CHN2: variants seen among roughly 807,000 people sequenced by gnomAD.
The protein encoded by CHN2 is chimerin 2, also known as beta-chimaerin.
CHN2 carries 35 observed loss-of-function variants against 56.3 expected under a neutral mutation model. The observed-to-expected ratio is 0.62, with a 90% CI of 0.47 to 0.82. The LOEUF (loss-of-function observed/expected upper bound fraction) is 0.82, where lower values mean the gene tolerates loss of function less well. Ranked by LOEUF, CHN2 falls within the 40% of genes least tolerant of loss-of-function variation. The probability of loss-of-function intolerance (pLI) is 0.00; values close to 1 mark genes in which losing one functional copy is unlikely to be tolerated. For synonymous variants in CHN2, 210 were observed against 212.8 expected, an observed-to-expected ratio of 0.99 and a Z score of 0.12; for missense variants, 491 against 580.5, an observed-to-expected ratio of 0.85 and a Z score of 1.58.
At chr7:29,160,327 G>A (rs1463455000) in intron 2 of CHN2, among the ~76,000 whole-genome samples, 1 of 152,172 alleles carries the variant, frequency 6.6e-6, no homozygotes, top group Non-Finnish European at 1.5e-5. Context: ...ATTCCCTGAT[G>A]TTCTCCCATC....
In CHN2 at chr7:29,259,243, AC is replaced by A. The variant is rs532323336; in HGVS notation, c.49+64254del. On this transcript the variant is annotated intron_variant, in intron 1 of 12. Coordinates refer to ENST00000222792, the MANE Select transcript of CHN2 (RefSeq NM_004067.4). ...CTCAGGAGGCTGAGGTGGGAGAATT[AC>A]TTGAGCCTGAAGTTCAAGGCTGTAG... 3.3e-4 allele frequency among the ~76,000 whole-genome samples: 50 copies of A among 152,022 alleles called. No individual in the cohort carries two copies. In the South Asian group the frequency reaches 7.9e-3, roughly 24 times the overall value.
At chr7:29,291,770 G>C (rs187369169) in intron 1 of CHN2, among the ~76,000 whole-genome samples, 7 of 152,116 alleles carry the variant, frequency 4.6e-5, no homozygotes, top group Admixed American at 1.3e-4. Context: ...AAGTTGAATT[G>C]TTTGATCAAA....
chr7:29,414,407 C>T (rs570767615), intron 6 of CHN2, among the ~76,000 whole-genome samples: 2 of 152,288 alleles, frequency 1.3e-5, no homozygotes, highest in East Asian at 3.9e-4. Context: ...GGGGTATTGA[C>T]CACATACCAC....
rs1357867905 is a variant in CHN2 at position 29,480,074 on chromosome 7, T to A, written c.577-205T>A. 5.2e-6 allele frequency: 8 copies of A among 1,550,010 alleles called. No homozygotes were observed. In the East Asian group the frequency reaches 2.0e-4, roughly 38 times the overall value. On this transcript the variant is annotated intron_variant, in intron 6 of 12. Coordinates refer to ENST00000222792, the MANE Select transcript of CHN2 (RefSeq NM_004067.4). ...TGACAGCACAGGGCTTCCTGGGCTC[T>A]GCAGAGCAAACTGGAAAGAGCTGGG...
chr7:29,348,368 C>T (rs892622585), intron 1 of CHN2, among the ~76,000 whole-genome samples: 5 of 152,202 alleles, frequency 3.3e-5, no homozygotes, highest in East Asian at 1.9e-4. Flanking sequence ...CCCTTTAACC[C>T]GCTTTTCTTT....
intron 1 of CHN2, among the ~76,000 whole-genome samples, chr7:29,228,229 G>A (rs1329751315): frequency 6.6e-6 from 1 of 151,542 alleles, no homozygotes; most frequent in Non-Finnish European, 1.5e-5. Context: ...CAGAGAGAGA[G>A]TCATGTGCCA....
At chr7:29,266,074 C>T (rs1293738267) in intron 1 of CHN2, among the ~76,000 whole-genome samples, 1 of 152,198 alleles carries the variant, frequency 6.6e-6, no homozygotes, top group Non-Finnish European at 1.5e-5. Flanking sequence ...GGCAGTGAGA[C>T]ATCCTGCCCG....
intron 6 of CHN2, among the ~76,000 whole-genome samples, chr7:29,446,906 G>C (rs1384580472): frequency 6.6e-6 from 1 of 152,122 alleles, no homozygotes; most frequent in East Asian, 1.9e-4. Flanking sequence ...TCCATCTCAG[G>C]AGTGGGCCAC....
At chr7:29,260,184 C>G (rs1046018478) in intron 1 of CHN2, among the ~76,000 whole-genome samples, 2 of 152,060 alleles carry the variant, frequency 1.3e-5, no homozygotes, top group African/African-American at 4.8e-5. Context: ...ACCATGTTGG[C>G]CAGGCTGGTC....
chr7:29,414,306 A>C (rs562155727), intron 6 of CHN2, among the ~76,000 whole-genome samples: 2 of 152,134 alleles, frequency 1.3e-5, no homozygotes, highest in African/African-American at 4.8e-5. Flanking sequence ...ATACATGGAG[A>C]TTTTAATGCA....
intron 2 of CHN2, among the ~76,000 whole-genome samples, chr7:29,183,174 T>TCG (rs1336166756): frequency 2.0e-5 from 3 of 149,242 alleles, no homozygotes; most frequent in African/African-American, 7.4e-5. Flanking sequence ...AACCTCCGCC[T>TCG]CCCAGGTTCA....
rs1025777366 is a variant in CHN2 at position 29,503,030 on chromosome 7, T to G, written c.914-1714T>G. Among the ~76,000 whole-genome samples, 4 of 152,116 alleles carry G rather than the reference T, an allele frequency of 2.6e-5. No homozygotes were observed. In the East Asian group the frequency reaches 5.8e-4, roughly 22 times the overall value. ...TTTCTACGTTCCTTGAAAACCTGGATTTCTTTGAAAGTGACTCAGTGAATC... is the reference window on the plus strand; with the variant it reads ...TTTCTACGTTCCTTGAAAACCTGGAGTTCTTTGAAAGTGACTCAGTGAATC... On this transcript the variant is annotated intron_variant, in intron 9 of 12. Transcript: ENST00000222792.
intron 1 of CHN2, among the ~76,000 whole-genome samples, chr7:29,198,932 C>T (rs558878211): frequency 1.2e-4 from 18 of 152,232 alleles, no homozygotes; most frequent in African/African-American, 4.1e-4. Context: ...GATTTGGAAA[C>T]GTAAACCCAC....
chr7:29,457,397 C>T (rs965029585), intron 6 of CHN2, among the ~76,000 whole-genome samples: 10 of 152,144 alleles, frequency 6.6e-5, no homozygotes, highest in African/African-American at 1.2e-4. Flanking sequence ...GCCCCCAGGC[C>T]GTCTCAGAGC....
intron 1 of CHN2, among the ~76,000 whole-genome samples, chr7:29,305,608 T>C (rs895399028): frequency 2.6e-5 from 4 of 152,196 alleles, no homozygotes; most frequent in Non-Finnish European, 5.9e-5. Flanking sequence ...AAAGCAATTG[T>C]AGAGTTAGCT....
chr7:29,205,668 T>C (rs775501120), intron 1 of CHN2, among the ~76,000 whole-genome samples: 1 of 152,172 alleles, frequency 6.6e-6, no homozygotes, highest in East Asian at 1.9e-4. Flanking sequence ...TTCAAATCCT[T>C]GGAGTGTAAT....
chr7:29,478,771 C>T (rs890728353), intron 6 of CHN2, among the ~76,000 whole-genome samples: 1 of 152,208 alleles, frequency 6.6e-6, no homozygotes, highest in Non-Finnish European at 1.5e-5. Flanking sequence ...CACATTCTAA[C>T]GTCCTCTGAC....
intron 1 of CHN2, among the ~76,000 whole-genome samples, chr7:29,254,102 A>C (rs547414816): frequency 3.6e-4 from 55 of 152,126 alleles, no homozygotes; most frequent in African/African-American, 1.2e-3. Flanking sequence ...ACGGGTTTTC[A>C]CCTTGTTGGT....
chr7:29,329,376 C>CAAAAAAAAAAAA (rs10667833), intron 1 of CHN2, among the ~76,000 whole-genome samples: 3 of 37,246 alleles, frequency 8.1e-5, no homozygotes, highest in East Asian at 2.2e-3. Context: ...TCAGATAAGG[C>CAAAAAAAAAAAA]AAAAAAAAAA....
Sources: gnomAD v4.1 joint callset for allele counts (sites outside exome capture counted in the v4.1 genomes callset) on GRCh38, gnomAD v4.1.1 for gene constraint, MANE v1.5 for transcripts, NCBI Gene and HGNC (gene_info 2026-07-23, HGNC 2026-07-21) for gene names.